The following PIK3CG variants were observed in gnomAD, a reference collection of about 807,000 sequenced individuals.
PIK3CG encodes phosphatidylinositol 4,5-bisphosphate 3-kinase catalytic subunit gamma isoform.
Under a neutral mutation model 102.3 loss-of-function variants are expected in PIK3CG, and 55 were observed. That is an observed-to-expected ratio of 0.54 (90% CI 0.43 to 0.67). The LOEUF is 0.67. Among genes scored for constraint, PIK3CG ranks in the 30% least tolerant of loss-of-function variants. PIK3CG has a pLI of 0.00. For synonymous variants in PIK3CG, 552 were observed against 540.0 expected (o/e 1.02, Z -0.31); for missense variants, 1,258 against 1,391.8 (o/e 0.90, Z 1.53).
Position 106,874,571 on chromosome 7 carries a change from A to G in PIK3CG, c.2288-129A>G. ...CTCCTCAAAGGCAGGGCCCACCCACATTTCTCCTGCTCTACACCAGAACAA... is the reference window on the plus strand; with the variant it reads ...CTCCTCAAAGGCAGGGCCCACCCACGTTTCTCCTGCTCTACACCAGAACAA... On this transcript the variant is annotated intron_variant, in intron 4 of 10. Coordinates refer to ENST00000496166, the MANE Select transcript of PIK3CG (RefSeq NM_001282426.2). The surrounding 1 kb of genome is among the most constrained non-coding windows in gnomAD (Gnocchi z 4.3). 1 of 686,410 alleles carries G rather than the reference A, an allele frequency of 1.5e-6. No homozygotes were observed. The allele number at this position is 686,410 out of a possible 1,614,324, so 42.5% of individuals were successfully genotyped here.
chr7:106,905,607 T>G lies in PIK3CG; in HGVS notation c.*220T>G. On this transcript the variant is annotated 3_prime_UTR_variant, in exon 11 of 11. Transcript: ENST00000496166. This position sits in a 1 kb window ranked among gnomAD's most constrained non-coding sequence, Gnocchi z 5.6. ...GCTAGGATTATTTGCAGGTTTGGTT[T>G]TTTCTCATTTGTCTGTGGCATTGGA... 1.8e-6 allele frequency: 1 copy of G among 544,144 alleles called. No homozygotes were observed. The highest frequency in any genetic ancestry group is 3.2e-6 in the Non-Finnish European group (1 of 309,280). 33.7% of individuals were successfully genotyped at this position (544,144 alleles called of 1,614,324 possible). A position where few individuals can be genotyped will look rare whatever the true frequency, so the allele number is the denominator to read the frequency against.
chr7:106,866,112 T>C (rs1790274557), intron 1 of PIK3CG, among the ~76,000 whole-genome samples: 1 of 152,246 alleles, frequency 6.6e-6, no homozygotes, highest in African/African-American at 2.4e-5. Context: ...GAAATTTGTC[T>C]TTCTTATCTT....
At chr7:106,896,797 T>C (rs80345986) in intron 10 of PIK3CG, among the ~76,000 whole-genome samples, 2,082 of 152,262 alleles carry the variant, frequency 0.014, 47 homozygotes, top group African/African-American at 0.045. Context: ...TTATGTATAT[T>C]GTCTCACTTA....
intron 7 of PIK3CG, 97 bp downstream of exon 7, chr7:106,882,304 T>A (rs1383284065): frequency 4.0e-6 from 2 of 503,656 alleles, no homozygotes; most frequent in Non-Finnish European, 7.0e-6. Flanking sequence ...AAAATCATAA[T>A]CTTAATCTGT....
rs543221912 is a variant in PIK3CG, at chr7:106,873,743, G to C, written c.2287+805G>C. 2.2e-4 allele frequency among the ~76,000 whole-genome samples: 33 copies of C among 151,244 alleles called. No individual in the cohort carries two copies. In the East Asian group the frequency reaches 2.5e-3, roughly 12 times the overall value. On this transcript the variant is annotated intron_variant, in intron 4 of 10. Transcript: ENST00000496166. ...TGTGTGTGTGTGTGTGTGCATAAAG[G>C]TAATAAACACACACACACACACACC...
chr7:106,866,009 G>T (rs934442256), intron 1 of PIK3CG, among the ~76,000 whole-genome samples: 2 of 152,138 alleles, frequency 1.3e-5, no homozygotes, highest in African/African-American at 4.8e-5. Flanking sequence ...TGGGACAGTT[G>T]GTTTCACTTA....
At position 106,880,706 on chromosome 7, in the gene PIK3CG, C is replaced by A. The variant is rs146669694; in HGVS notation, c.2538+1041C>A. Among the ~76,000 whole-genome samples, 7 of 151,954 alleles carry A rather than the reference C, an allele frequency of 4.6e-5. No homozygotes were observed. The highest frequency in any genetic ancestry group is 1.7e-4 in the African/African-American group (7 of 41,418). On this transcript the variant is annotated intron_variant, in intron 6 of 10. Transcript: ENST00000496166. The surrounding 1 kb of genome is among the most constrained non-coding windows in gnomAD (Gnocchi z 4.2). Reference sequence around the variant, plus strand: ...TTTTTTTAATTTTTTTAAGATGAGGCCTTGCTTTATCGCCCAGGTTGGAAT... The same window carrying A: ...TTTTTTTAATTTTTTTAAGATGAGGACTTGCTTTATCGCCCAGGTTGGAAT...
chr7:106,872,616 T>C lies in PIK3CG; in HGVS notation c.2061+14T>C, dbSNP rs1790572948. Reference sequence around the variant, plus strand: ...CGTGGTTTAAGAGTAAGTACTTCCATTTTGATAATAGCGTGAAATTTTAAG... The same window carrying C: ...CGTGGTTTAAGAGTAAGTACTTCCACTTTGATAATAGCGTGAAATTTTAAG... On this transcript the variant is annotated intron_variant, in intron 3 of 10. Coordinates refer to ENST00000496166, the MANE Select transcript of PIK3CG (RefSeq NM_001282426.2). This position sits in a 1 kb window ranked among gnomAD's most constrained non-coding sequence, Gnocchi z 5.3. The C allele has an allele frequency of 6.2e-7, 1 of 1,611,404 alleles. No homozygotes were observed. Among genetic ancestry groups the C allele is most frequent in the African/African-American group, 1.3e-5 (1 of 75,046 alleles).
In PIK3CG at chr7:106,877,988, A is replaced by G. The variant is rs944027127; in HGVS notation, c.2392-1531A>G. ...AAATAATTTTTAACTATTCACCTAC[A>G]TATTTACCATTTTTGGTACTCTTTA... On this transcript the variant is annotated intron_variant, in intron 5 of 10. Coordinates refer to ENST00000496166, the MANE Select transcript of PIK3CG (RefSeq NM_001282426.2). This position sits in a 1 kb window ranked among gnomAD's most constrained non-coding sequence, Gnocchi z 4.5. Among the ~76,000 whole-genome samples the G allele has an allele frequency of 3.9e-4, 59 of 152,194 alleles. No individual in the cohort carries two copies. The highest frequency in any genetic ancestry group is 1.4e-3 in the African/African-American group (57 of 41,450).
At chr7:106,875,898 G>GTTT (rs371417092) in intron 5 of PIK3CG, among the ~76,000 whole-genome samples, 7 of 130,948 alleles carry the variant, frequency 5.3e-5, no homozygotes, top group African/African-American at 1.1e-4. Context: ...GTTATCATCA[G>GTTT]TTTTTTTTTT....
rs943212698 is a variant in PIK3CG at position 106,908,151 on chromosome 7, C to A, written c.*2764C>A. Among the ~76,000 whole-genome samples, 3 of 152,038 alleles carry A rather than the reference C, an allele frequency of 2.0e-5. No homozygotes were observed. Among genetic ancestry groups the A allele is most frequent in the Non-Finnish European group, 4.4e-5 (3 of 68,008 alleles). ...GACTGGCGACATAATTTGCAGAGCC[C>A]AGTGAACAGTGAAAATGCAGTCCCA... On this transcript the variant is annotated 3_prime_UTR_variant, in exon 11 of 11. Transcript: ENST00000496166. The surrounding 1 kb of genome is among the most constrained non-coding windows in gnomAD (Gnocchi z 4.1).
chr7:106,869,342 GT>G lies in PIK3CG; in HGVS notation c.1783del (p.Ser595GlnfsTer2). The G allele has an allele frequency of 6.2e-7, 1 of 1,614,254 alleles. No individual in the cohort carries two copies. Among genetic ancestry groups the G allele is most frequent in the Non-Finnish European group, 8.5e-7 (1 of 1,180,042 alleles). ...CCAAAAGCATATCCTAAGCTATTTAGTTCAGTGAAATGGGGACAGCAAGAAA... is the reference window on the plus strand; with the variant it reads ...CCAAAAGCATATCCTAAGCTATTTAGTCAGTGAAATGGGGACAGCAAGAAA... ...KHPKAYPKLFSSVKWGQQEIV... is the reference protein window; with the variant it reads ...KHPKAYPKLFXSVKWGQQEIV... On this transcript the variant is annotated frameshift_variant, in exon 2 of 11. Transcript: ENST00000496166. LOFTEE classifies it high-confidence loss of function. This position sits in a 1 kb window ranked among gnomAD's most constrained non-coding sequence, Gnocchi z 5.3.
Position 106,890,109 on chromosome 7 carries a change from G to A in PIK3CG, c.3030+3817G>A, listed in dbSNP as rs6961772. 0.088 allele frequency among the ~76,000 whole-genome samples: 13,473 copies of A among 152,266 alleles called. 794 individuals are homozygous for A. The highest frequency in any genetic ancestry group is 0.23 in the South Asian group (1,093 of 4,818). On this transcript the variant is annotated intron_variant, in intron 10 of 10. Coordinates refer to ENST00000496166, the MANE Select transcript of PIK3CG (RefSeq NM_001282426.2). The surrounding 1 kb of genome is among the most constrained non-coding windows in gnomAD (Gnocchi z 4.2). ...TATAGAATATATATAATAAACAAAT[G>A]TATTTATATCATTGGCAAATGAAAT...
rs972270489 is a variant in PIK3CG, at chr7:106,877,922, C to G, written c.2392-1597C>G. Among the ~76,000 whole-genome samples, 1 of 151,750 alleles carries G rather than the reference C, an allele frequency of 6.6e-6. No individual in the cohort carries two copies. Among genetic ancestry groups the G allele is most frequent in the African/African-American group, 2.4e-5 (1 of 41,250 alleles). ...TGGCACAATAAGTTACTATTTTTGC[C>G]CTAAACAGTTAAAAAATAGACTTAA... On this transcript the variant is annotated intron_variant, in intron 5 of 10. Coordinates refer to ENST00000496166, the MANE Select transcript of PIK3CG (RefSeq NM_001282426.2). This position sits in a 1 kb window ranked among gnomAD's most constrained non-coding sequence, Gnocchi z 4.5.
chr7:106,878,960 G>A (rs1390306949), intron 5 of PIK3CG, among the ~76,000 whole-genome samples: 1 of 152,172 alleles, frequency 6.6e-6, no homozygotes, highest in Non-Finnish European at 1.5e-5. Flanking sequence ...TAACTGCCAA[G>A]CCACATTTCC....
chr7:106,868,109 C>G lies in PIK3CG; in HGVS notation c.548C>G (p.Pro183Arg), dbSNP rs755975307. Residue 183 changes from proline to arginine, a missense_variant, in exon 2 of 11, where the codon CCG (proline) becomes CGG (arginine). This residue lies in a region of PIK3CG where 832 missense variants were observed against 787.5 expected (regional missense o/e 1.06). Transcript: ENST00000496166. The surrounding 1 kb of genome is among the most constrained non-coding windows in gnomAD (Gnocchi z 6.2). ...TTCACGCGCCGTGGCTTGGTGACCC[C>G]GCGCATGGCGGAGGTGGCCAGCCGC... ...LEFTRRGLVTPRMAEVASRDP... is the reference protein window; with the variant it reads ...LEFTRRGLVTRRMAEVASRDP... 1 of 1,612,990 alleles carries G rather than the reference C, an allele frequency of 6.2e-7. No homozygotes were observed. The highest frequency in any genetic ancestry group is 1.1e-5 in the South Asian group (1 of 91,054).
rs1256362830 is a variant in PIK3CG at position 106,883,385 on chromosome 7, T to C, written c.2760+222T>C. Among the ~76,000 whole-genome samples, 1 of 152,234 alleles carries C rather than the reference T, an allele frequency of 6.6e-6. No individual in the cohort carries two copies. Among genetic ancestry groups the C allele is most frequent in the Non-Finnish European group, 1.5e-5 (1 of 68,034 alleles). The stretch of plus-strand genomic sequence containing the variant: ...AGTTCAGGACTCCATGAGCATTTGC[T>C]TCTCTTTTGATTATCAGGCATACTT... On this transcript the variant is annotated intron_variant, in intron 8 of 10. Coordinates refer to ENST00000496166, the MANE Select transcript of PIK3CG (RefSeq NM_001282426.2). This position sits in a 1 kb window ranked among gnomAD's most constrained non-coding sequence, Gnocchi z 5.8.
At position 106,891,932 on chromosome 7, in the gene PIK3CG, G is replaced by C. The variant is rs1308852412; in HGVS notation, c.3030+5640G>C. On this transcript the variant is annotated intron_variant, in intron 10 of 10. Coordinates refer to ENST00000496166, the MANE Select transcript of PIK3CG (RefSeq NM_001282426.2). This position sits in a 1 kb window ranked among gnomAD's most constrained non-coding sequence, Gnocchi z 4.4. ...AGCCACATGCCCAGTCTCTATGCAG[G>C]GTCCTGACTCAGGAGGTTTTTAAGA... Among the ~76,000 whole-genome samples, 1 of 151,814 alleles carries C rather than the reference G, an allele frequency of 6.6e-6. No individual in the cohort carries two copies. Among genetic ancestry groups the C allele is most frequent in the Non-Finnish European group, 1.5e-5 (1 of 67,972 alleles).
In PIK3CG at chr7:106,899,088, G is replaced by C. The variant is rs1024132589; in HGVS notation, c.3031-6021G>C. Reference sequence around the variant, plus strand: ...ATTGTAGAGATCTTTCACCTCCCTGGTTGGCTATATCCCTAGGTATTTTAT... The same window carrying C: ...ATTGTAGAGATCTTTCACCTCCCTGCTTGGCTATATCCCTAGGTATTTTAT... On this transcript the variant is annotated intron_variant, in intron 10 of 10. Transcript: ENST00000496166. The surrounding 1 kb of genome is among the most constrained non-coding windows in gnomAD (Gnocchi z 4.6). 1.3e-5 allele frequency among the ~76,000 whole-genome samples: 2 copies of C among 151,992 alleles called. No individual in the cohort carries two copies. Among genetic ancestry groups the C allele is most frequent in the Non-Finnish European group, 2.9e-5 (2 of 67,996 alleles).
Sources: allele counts gnomAD v4.1 joint callset (sites outside exome capture counted in the v4.1 genomes callset), GRCh38; gene constraint gnomAD v4.1.1; regional missense constraint gnomAD v4.1.1; non-coding constraint Gnocchi (gnomAD v3.1); transcripts MANE v1.5; gene names NCBI Gene and HGNC (gene_info 2026-07-23, HGNC 2026-07-21).